The following KYAT3 variants were observed in gnomAD, a reference collection of about 807,000 sequenced individuals.
KYAT3 encodes kynurenine--oxoglutarate transaminase 3.
KYAT3 carries 50 observed loss-of-function variants against 59.0 expected under a neutral mutation model. That is an observed-to-expected ratio of 0.85 (90% CI 0.68 to 1.07). KYAT3 has a LOEUF of 1.07. Ranked by LOEUF, KYAT3 falls within the 50% of genes least tolerant of loss-of-function variation. The pLI, the probability that KYAT3 is intolerant of heterozygous loss-of-function variation, is 0.00. For missense variants in KYAT3, 497 were observed against 533.3 expected, an observed-to-expected ratio of 0.93 and a Z score of 0.67; for synonymous variants, 148 against 177.0, an observed-to-expected ratio of 0.84 and a Z score of 1.30.
At position 88,982,840 on chromosome 1, in the gene KYAT3, G is replaced by A. The variant is rs373200952; in HGVS notation, c.99+5412C>T. 1.2e-5 allele frequency: 20 copies of A among 1,613,884 alleles called. No homozygotes were observed. The African/African-American group carries it at 2.5e-4, about 20-fold the overall frequency. ...AACTTGAGTAGAGATCACTTCGGCT[G>A]CTTGAGTAACTGTCTCGACTTCCAC... On this transcript the variant is annotated intron_variant, in intron 2 of 13. Coordinates refer to ENST00000260508, the MANE Select transcript of KYAT3 (RefSeq NM_001008661.3).
chr1:88,963,193 T>C (rs12093543), intron 5 of KYAT3, among the ~76,000 whole-genome samples: 4,755 of 152,018 alleles, frequency 0.031, 222 homozygotes, highest in African/African-American at 0.11. Flanking sequence ...GTGACATGTA[T>C]GTGGTTTCAA....
At chr1:88,981,489 TTAAG>T (rs1677087952) in intron 2 of KYAT3, 1 of 154,970 alleles carries the variant, frequency 6.5e-6, no homozygotes, top group Non-Finnish European at 1.5e-5. Context: ...GGTCAATTAC[TTAAG>T]TAACTACCAC....
chr1:88,928,398 C>T, the KYAT3 span, among the ~76,000 whole-genome samples: 1 of 152,156 alleles, frequency 6.6e-6, no homozygotes, highest in East Asian at 1.9e-4. Flanking sequence ...AAAAGGGCCA[C>T]CGCTTTAGTC....
intron 3 of KYAT3, 26 bp downstream of exon 3, chr1:88,969,383 A>G (rs1221979775): frequency 7.1e-7 from 1 of 1,412,124 alleles, no homozygotes; most frequent in Non-Finnish European, 1.0e-6. Context: ...CCCTCACTAA[A>G]TTATTATTTA....
chr1:88,967,815 A>G (rs903543536), intron 4 of KYAT3, among the ~76,000 whole-genome samples: 2 of 151,930 alleles, frequency 1.3e-5, no homozygotes, highest in African/African-American at 4.8e-5. Flanking sequence ...ACTTTTACTT[A>G]TTGATCTTTT....
chr1:88,934,999 T>TC (rs936735182), downstream of KYAT3, among the ~76,000 whole-genome samples: 2 of 149,200 alleles, frequency 1.3e-5, no homozygotes, highest in African/African-American at 4.9e-5. Flanking sequence ...ATTTTTTTTT[T>TC]TTTTTTTTTT....
At chr1:88,955,835 GTGTGTGTGTGCA>G (rs1675892780) in intron 8 of KYAT3, among the ~76,000 whole-genome samples, 1 of 152,138 alleles carries the variant, frequency 6.6e-6, no homozygotes, top group Admixed American at 6.6e-5. Context: ...GCACATGTGT[GTGTGTGTGTGCA>G]TGTGTGTGTG....
At chr1:88,964,560 G>T (rs1056931637) in intron 5 of KYAT3, 2 of 363,110 alleles carry the variant, frequency 5.5e-6, no homozygotes, top group Non-Finnish European at 1.0e-5. Flanking sequence ...ACTTACCTCT[G>T]GGAGAATATA....
At chr1:88,971,093 C>T (rs1676539292) in intron 2 of KYAT3, among the ~76,000 whole-genome samples, 1 of 152,160 alleles carries the variant, frequency 6.6e-6, no homozygotes, top group African/African-American at 2.4e-5. Flanking sequence ...AAATATCTAT[C>T]TTAACAAATG....
chr1:88,922,082 C>G, the KYAT3 span, among the ~76,000 whole-genome samples: 1 of 152,140 alleles, frequency 6.6e-6, no homozygotes, highest in Admixed American at 6.5e-5. Context: ...CATGGTGGCT[C>G]ATGCCTATAA....
chr1:88,921,437 T>C, the KYAT3 span, among the ~76,000 whole-genome samples: 12 of 152,316 alleles, frequency 7.9e-5, 2 homozygotes, highest in African/African-American at 2.9e-4. Flanking sequence ...TTATTGGTTT[T>C]TCAATAGCCA....
At chr1:88,975,279 G>A (rs966367423) in intron 2 of KYAT3, among the ~76,000 whole-genome samples, 5 of 152,154 alleles carry the variant, frequency 3.3e-5, no homozygotes, top group Admixed American at 6.6e-5. Context: ...AATAAATTCC[G>A]GACACAGGAC....
At chr1:88,954,933 T>A (rs1000016600) in intron 9 of KYAT3, among the ~76,000 whole-genome samples, 2 of 152,142 alleles carry the variant, frequency 1.3e-5, no homozygotes, top group Non-Finnish European at 2.9e-5. Flanking sequence ...GGCTAATTTT[T>A]AAAAAATGTA....
At chr1:88,984,978 T>A (rs1346060448) in intron 2 of KYAT3, among the ~76,000 whole-genome samples, 1 of 152,276 alleles carries the variant, frequency 6.6e-6, no homozygotes, top group African/African-American at 2.4e-5. Context: ...TAAAAATCTT[T>A]AGCACATGTT....
downstream of KYAT3, among the ~76,000 whole-genome samples, chr1:88,934,516 A>T (rs1444264764): frequency 6.6e-6 from 1 of 152,132 alleles, no homozygotes; most frequent in African/African-American, 2.4e-5. Context: ...GTAGGGGAAC[A>T]TAGACTTATG....
rs1452532989 is a variant in KYAT3 at position 88,961,251 on chromosome 1, G to A, written c.703C>T (p.Leu235Phe). The A allele has an allele frequency of 6.2e-7, 1 of 1,613,488 alleles. No homozygotes were observed. The highest frequency in any genetic ancestry group is 2.2e-5 in the East Asian group (1 of 44,794). ...NREELQVIAD[L>F]CIKYDTLCIS... ...CAGAGTGTGTCATATTTGATGCAAA[G>A]GTCAGCAATTACTTGCAGTTCCTCT... The change falls in exon 8 of 14, where the codon CTT becomes TTT. Residue 235 changes from leucine (L) to phenylalanine (F), a missense_variant. Physicochemically the swap from Leu to Phe is conservative, Grantham distance 22. Around this residue, in one of 2 missense-constraint regions of KYAT3, gnomAD observed 469 missense variants for 479.1 expected, o/e 0.98. Transcript: ENST00000260508.
chr1:88,948,271 TTGGCA>T (rs1570781474), intron 11 of KYAT3, among the ~76,000 whole-genome samples: 1 of 152,350 alleles, frequency 6.6e-6, no homozygotes, highest in East Asian at 1.9e-4. Context: ...TTCAAGTTCA[TTGGCA>T]TATAACTTCA....
chr1:88,954,465 A>G (rs897957776), intron 9 of KYAT3, among the ~76,000 whole-genome samples: 4 of 152,204 alleles, frequency 2.6e-5, no homozygotes, highest in South Asian at 2.1e-4. Flanking sequence ...AAATTAGTAT[A>G]TGTAAAACAT....
At chr1:88,986,881 A>T (rs978884074) in intron 2 of KYAT3, among the ~76,000 whole-genome samples, 8 of 152,190 alleles carry the variant, frequency 5.3e-5, no homozygotes, top group Non-Finnish European at 1.2e-4. Context: ...AAGAATATTT[A>T]TCTTTATCCC....
Sources: allele counts gnomAD v4.1 joint callset (sites outside exome capture counted in the v4.1 genomes callset), GRCh38; gene constraint gnomAD v4.1.1; regional missense constraint gnomAD v4.1.1; transcripts MANE v1.5; gene names NCBI Gene and HGNC (gene_info 2026-07-23, HGNC 2026-07-21).